TXLNB: variants seen among roughly 807,000 people sequenced by gnomAD.
The protein encoded by TXLNB is taxilin beta.
Under a neutral mutation model 57.4 loss-of-function variants are expected in TXLNB, and 37 were observed. The observed-to-expected ratio is 0.64, with a 90% CI of 0.50 to 0.85. The LOEUF (loss-of-function observed/expected upper bound fraction) is 0.85, where lower values mean the gene tolerates loss of function less well. Ranked by LOEUF, TXLNB falls within the 40% of genes least tolerant of loss-of-function variation. The probability of loss-of-function intolerance (pLI) is 0.00; values close to 1 mark genes in which losing one functional copy is unlikely to be tolerated. For synonymous variants in TXLNB, 302 were observed against 309.6 expected (o/e 0.98, Z 0.26); for missense variants, 848 against 825.6 (o/e 1.03, Z -0.33).
At chr6:139,280,365 A>T (rs1280481324) in intron 2 of TXLNB, among the ~76,000 whole-genome samples, 1 of 152,202 alleles carries the variant, frequency 6.6e-6, no homozygotes, top group Non-Finnish European at 1.5e-5. Flanking sequence ...AACTTTTAGC[A>T]TAGTAATGAT....
chr6:139,277,890 C>T (rs1776941132), intron 2 of TXLNB, among the ~76,000 whole-genome samples: 1 of 152,132 alleles, frequency 6.6e-6, no homozygotes, highest in Admixed American at 6.6e-5. Flanking sequence ...CAACCTTTCC[C>T]CCAAGAACAG....
At chr6:139,239,166 G>A (rs1435973483), downstream of TXLNB, 1 of 152,290 alleles carries the variant, frequency 6.6e-6, no homozygotes. This position sits in a 1 kb window ranked among gnomAD's most constrained non-coding sequence, Gnocchi z 4.7. Flanking sequence ...TCCCAGGTCA[G>A]TGTGGACTGA....
intron 6 of TXLNB, 125 bp from the exon 7 acceptor site, chr6:139,255,763 T>C (rs1776321891): frequency 5.9e-6 from 4 of 677,290 alleles, no homozygotes; most frequent in East Asian, 2.9e-5. Flanking sequence ...TTTTGGAACT[T>C]TGAAAAGAAT....
the TXLNB span, among the ~76,000 whole-genome samples, chr6:139,302,279 G>A: frequency 1.3e-5 from 2 of 148,348 alleles, no homozygotes; most frequent in Admixed American, 6.8e-5. Flanking sequence ...CCAACAAAGG[G>A]ATTAGAAACT....
chr6:139,198,663 CAGG>C, the TXLNB span, among the ~76,000 whole-genome samples: 1 of 152,156 alleles, frequency 6.6e-6, no homozygotes, highest in Non-Finnish European at 1.5e-5. Flanking sequence ...GAGACCAATG[CAGG>C]AGAAGGGAAG....
At chr6:139,270,058 A>G (rs1054661269) in intron 4 of TXLNB, among the ~76,000 whole-genome samples, 2 of 152,222 alleles carry the variant, frequency 1.3e-5, no homozygotes, top group African/African-American at 4.8e-5. Context: ...AGAATTCATT[A>G]TAACACCAAA....
the TXLNB span, among the ~76,000 whole-genome samples, chr6:139,208,944 G>A: frequency 0.037 from 5,686 of 152,180 alleles, 348 homozygotes; most frequent in African/African-American, 0.13. Flanking sequence ...AGCCATAGCA[G>A]TTAGATAAGA....
At chr6:139,191,102 TA>T in the TXLNB span, among the ~76,000 whole-genome samples, 1 of 96,204 alleles carries the variant, frequency 1.0e-5, no homozygotes, top group Non-Finnish European at 2.4e-5. Context: ...AAATGAAGTT[TA>T]ATTTTTTTTT....
downstream of TXLNB, among the ~76,000 whole-genome samples, chr6:139,236,003 G>A (rs895320181): frequency 1.3e-5 from 2 of 152,110 alleles, no homozygotes; most frequent in Admixed American, 6.5e-5. Flanking sequence ...AGAAGAGTCC[G>A]GACGCTGGGC....
At chr6:139,184,602 C>T in the TXLNB span, among the ~76,000 whole-genome samples, 8 of 84,582 alleles carry the variant, frequency 9.5e-5, no homozygotes, top group South Asian at 3.1e-4. Flanking sequence ...TCACAGTCTA[C>T]ACCACGAATT....
the TXLNB span, among the ~76,000 whole-genome samples, chr6:139,164,220 C>G: frequency 9.2e-5 from 14 of 152,180 alleles, no homozygotes; most frequent in Non-Finnish European, 1.8e-4. Flanking sequence ...GGGGAGCTTT[C>G]TAGAGCAGAA....
chr6:139,242,731 G>T lies in TXLNB; in HGVS notation c.1850C>A (p.Ala617Asp), dbSNP rs756636295. Residue 617 changes from alanine (A) to aspartate (D), a missense_variant, in exon 10 of 10, where the codon GCT (alanine) becomes GAT (aspartate). Physicochemically the swap from Ala to Asp is moderately radical, Grantham distance 126. Transcript: ENST00000358430. ...EAEASGQAPQ[A>D]PTEASLQKME... The stretch of plus-strand genomic sequence containing the variant: ...CTTCTGTAGGGAGGCCTCGGTGGGA[G>T]CCTGTGGGGCCTGACCGGAAGCTTC... The T allele has an allele frequency of 6.2e-7, 1 of 1,613,448 alleles. No individual in the cohort carries two copies. Among genetic ancestry groups the T allele is most frequent in the East Asian group, 2.2e-5 (1 of 44,894 alleles).
chr6:139,168,500 C>G, the TXLNB span, among the ~76,000 whole-genome samples: 4 of 150,408 alleles, frequency 2.7e-5, no homozygotes, highest in African/African-American at 9.8e-5. Context: ...AAAGACATTT[C>G]CACATACCTG....
At chr6:139,211,992 C>T in the TXLNB span, among the ~76,000 whole-genome samples, 4 of 152,168 alleles carry the variant, frequency 2.6e-5, no homozygotes, top group Non-Finnish European at 5.9e-5. Context: ...AAGACCAAAT[C>T]TGCGTCTAAT....
At chr6:139,259,748 C>G (rs763973074) in intron 6 of TXLNB, among the ~76,000 whole-genome samples, 2 of 152,148 alleles carry the variant, frequency 1.3e-5, no homozygotes, top group Non-Finnish European at 2.9e-5. Context: ...GGCTATGTCC[C>G]CGCACCTAAC....
intron 2 of TXLNB, among the ~76,000 whole-genome samples, chr6:139,281,757 C>T (rs1777058165): frequency 8.9e-6 from 1 of 112,302 alleles, no homozygotes; most frequent in Non-Finnish European, 1.7e-5. Flanking sequence ...ACCGTGTTAG[C>T]CAGGATGGTC....
chr6:139,231,343 G>A, the TXLNB span, among the ~76,000 whole-genome samples: 169 of 152,230 alleles, frequency 1.1e-3, no homozygotes, highest in Middle Eastern at 0.01. Context: ...CCTAGCACTG[G>A]AAGTGGAAGG....
In TXLNB at chr6:139,288,881, C is replaced by G. The variant is rs1039515811; in HGVS notation, c.19G>C (p.Glu7Gln). ...GACTGTCGTTCCGCTGAGAGCTGTT[C>G]AGAGTGATTAGCCTCCATCTTGGGA... MEANHS[E>Q]QLSAERQSTP... The change falls in exon 2 of 10, where the codon GAA (glutamate) becomes CAA (glutamine). Residue 7 changes from glutamate (E) to glutamine (Q), a missense_variant. Transcript: ENST00000358430. The G allele has an allele frequency of 1.2e-6, 2 of 1,612,960 alleles. No individual in the cohort carries two copies. The highest frequency in any genetic ancestry group is 1.7e-6 in the Non-Finnish European group (2 of 1,179,188).
At chr6:139,270,949 C>T (rs1159687034) in intron 3 of TXLNB, among the ~76,000 whole-genome samples, 4 of 152,292 alleles carry the variant, frequency 2.6e-5, no homozygotes, top group East Asian at 3.9e-4. Flanking sequence ...AGGCATGTCT[C>T]AGAATCTGTA....
Sources: gnomAD v4.1 joint callset for allele counts (sites outside exome capture counted in the v4.1 genomes callset) on GRCh38, gnomAD v4.1.1 for gene constraint, Gnocchi (gnomAD v3.1) non-coding constraint, MANE v1.5 for transcripts, NCBI Gene and HGNC (gene_info 2026-07-23, HGNC 2026-07-21) for gene names.